Variants in CREBL2 observed in about 807,000 individuals in gnomAD.
The protein encoded by CREBL2 is cAMP-responsive element-binding protein-like 2.
In CREBL2, 4 loss-of-function variants were observed where a neutral mutation model predicts 19.5. That is an observed-to-expected ratio of 0.20 (90% CI 0.10 to 0.47). The LOEUF (loss-of-function observed/expected upper bound fraction) is 0.47. Ranked by LOEUF, CREBL2 falls within the 20% of genes least tolerant of loss-of-function variation. The pLI is 0.98. For missense variants in CREBL2, 85 were observed against 145.1 expected (o/e 0.59, Z 2.13); for synonymous variants, 42 against 46.6 (o/e 0.90, Z 0.40).
Position 12,641,438 on chromosome 12 carries a change from G to A in CREBL2, c.359-556G>A, listed in dbSNP as rs549532156. ...TTCTCCTGCCTCAGCCTCCCAAGTA[G>A]CTGGGGTTACAAGTGTATGGCACTG... is the stretch of plus-strand genomic sequence containing the variant. On this transcript the variant is annotated intron_variant, in intron 3 of 3. Coordinates refer to ENST00000228865, the MANE Select transcript of CREBL2 (RefSeq NM_001310.4). Among the ~76,000 whole-genome samples the A allele has an allele frequency of 9.9e-4, 150 of 151,278 alleles. No homozygotes were observed. The Middle Eastern group carries it at 0.021, about 21-fold the overall frequency.
intron 1 of CREBL2, among the ~76,000 whole-genome samples, chr12:12,631,525 C>T (rs994992017): frequency 1.3e-5 from 2 of 152,136 alleles, no homozygotes; most frequent in Admixed American, 1.3e-4. Context: ...ATTTTGTTTA[C>T]CCATATTAAT....
intron 1 of CREBL2, 25 bp downstream of exon 1, chr12:12,612,212 C>T (rs1376361503): frequency 3.1e-6 from 5 of 1,613,376 alleles, no homozygotes; most frequent in Non-Finnish European, 4.2e-6. Flanking sequence ...TTGCACGCGC[C>T]GCCGCCTTCT....
chr12:12,641,556 G>A (rs980149393), intron 3 of CREBL2, among the ~76,000 whole-genome samples: 10 of 151,968 alleles, frequency 6.6e-5, no homozygotes, highest in South Asian at 2.1e-4. Context: ...TAATTCACCC[G>A]CCTTGGCCTC....
intron 1 of CREBL2, among the ~76,000 whole-genome samples, chr12:12,616,717 C>A (rs1175165689): frequency 6.6e-6 from 1 of 152,212 alleles, no homozygotes; most frequent in Non-Finnish European, 1.5e-5. Flanking sequence ...GTACTGTCCT[C>A]CTAGTATATA....
In CREBL2 at chr12:12,641,991, C is replaced by T; in HGVS notation, c.359-3C>T. 2 of 1,549,810 alleles carry T rather than the reference C, an allele frequency of 1.3e-6. No homozygotes were observed. Among genetic ancestry groups the T allele is most frequent in the Non-Finnish European group, 1.8e-6 (2 of 1,129,104 alleles). On this transcript the variant is annotated splice_polypyrimidine_tract_variant and splice_region_variant and intron_variant, in intron 3 of 3. Transcript: ENST00000228865. The stretch of plus-strand genomic sequence containing the variant: ...TCTTACATTGGTAACTTTTATTTTT[C>T]AGGGTGAAGATTATATAAAGATGAG...
chr12:12,640,906 T>G (rs1209651024), intron 3 of CREBL2, among the ~76,000 whole-genome samples: 2 of 152,180 alleles, frequency 1.3e-5, no homozygotes, highest in East Asian at 3.8e-4. Flanking sequence ...CTATTTTTGT[T>G]TTTTTGTTAC....
intron 1 of CREBL2, among the ~76,000 whole-genome samples, chr12:12,613,412 T>C (rs765226341): frequency 6.6e-6 from 1 of 152,218 alleles, no homozygotes; most frequent in Non-Finnish European, 1.5e-5. Flanking sequence ...TGTCCTTTGT[T>C]TGGGTGTCTT....
At chr12:12,613,917 A>ATTTT (rs36102670) in intron 1 of CREBL2, among the ~76,000 whole-genome samples, 13 of 136,096 alleles carry the variant, frequency 9.6e-5, no homozygotes, top group Admixed American at 3.0e-4. Context: ...TCAGCAAGTA[A>ATTTT]TTTTTTTTTT....
intron 1 of CREBL2, among the ~76,000 whole-genome samples, chr12:12,620,757 C>T (rs577899515): frequency 3.3e-5 from 5 of 152,290 alleles, no homozygotes; most frequent in Non-Finnish European, 5.9e-5. Context: ...TTGTTGGACA[C>T]CTGATATGTA....
At chr12:12,618,926 G>A (rs1482289376) in intron 1 of CREBL2, among the ~76,000 whole-genome samples, 1 of 152,128 alleles carries the variant, frequency 6.6e-6, no homozygotes, top group East Asian at 1.9e-4. Context: ...GCAATCCCAG[G>A]CACTCGGCAG....
chr12:12,612,542 C>T (rs753876090), intron 1 of CREBL2, among the ~76,000 whole-genome samples: 3 of 152,124 alleles, frequency 2.0e-5, no homozygotes, highest in Non-Finnish European at 2.9e-5. Flanking sequence ...CTTTAGTGCA[C>T]GCTGAACCAG....
chr12:12,624,119 C>A (rs537959270), intron 1 of CREBL2, among the ~76,000 whole-genome samples: 2 of 152,110 alleles, frequency 1.3e-5, no homozygotes, highest in Non-Finnish European at 2.9e-5. Flanking sequence ...TTACAGCAGC[C>A]CCAAGAAATG....
At chr12:12,628,074 G>A (rs138944761) in intron 1 of CREBL2, among the ~76,000 whole-genome samples, 95 of 152,186 alleles carry the variant, frequency 6.2e-4, no homozygotes, top group African/African-American at 2.2e-3. Context: ...TAGAGATGGG[G>A]TTTCACTATG....
At chr12:12,617,665 T>G (rs1945321950) in intron 1 of CREBL2, among the ~76,000 whole-genome samples, 1 of 118,308 alleles carries the variant, frequency 8.5e-6, no homozygotes, top group Non-Finnish European at 1.7e-5. Flanking sequence ...TTTTTTTTTT[T>G]TTTTTTTTTT....
At chr12:12,627,972 C>T (rs540531355) in intron 1 of CREBL2, among the ~76,000 whole-genome samples, 14 of 152,256 alleles carry the variant, frequency 9.2e-5, no homozygotes, top group South Asian at 4.2e-4. Flanking sequence ...CTCCAACTCC[C>T]GGGTTCAAGC....
intron 3 of CREBL2, among the ~76,000 whole-genome samples, chr12:12,640,291 C>G (rs1279907146): frequency 6.6e-6 from 1 of 152,092 alleles, no homozygotes; most frequent in East Asian, 1.9e-4. Context: ...GAACACATTC[C>G]TTTCCCAGGG....
chr12:12,635,425 T>C (rs1485435296), intron 1 of CREBL2, among the ~76,000 whole-genome samples: 1 of 151,932 alleles, frequency 6.6e-6, no homozygotes, highest in Non-Finnish European at 1.5e-5. Flanking sequence ...ATTTTTCTTA[T>C]CTATCTCCAT....
chr12:12,626,654 A>G (rs1336683762), intron 1 of CREBL2, among the ~76,000 whole-genome samples: 1 of 152,224 alleles, frequency 6.6e-6, no homozygotes, highest in Non-Finnish European at 1.5e-5. Context: ...TGCAATGATC[A>G]TCACTATCTA....
intron 1 of CREBL2, chr12:12,615,671 T>G (rs1404143247): frequency 6.6e-6 from 1 of 151,966 alleles, no homozygotes; most frequent in Admixed American, 6.6e-5. Flanking sequence ...TTTTTGTATT[T>G]TTAGTAGAGC....
Sources: gnomAD v4.1 joint callset for allele counts (sites outside exome capture counted in the v4.1 genomes callset) on GRCh38, gnomAD v4.1.1 for gene constraint, MANE v1.5 for transcripts, NCBI Gene and HGNC (gene_info 2026-07-23, HGNC 2026-07-21) for gene names.